The following CADPS variants were observed in gnomAD, a reference collection of about 807,000 sequenced individuals.
The protein encoded by CADPS is calcium-dependent secretion activator 1.
A neutral mutation model predicts 167.3 loss-of-function variants in CADPS; 57 were observed. The ratio of observed to expected loss-of-function variants is 0.34; its 90% CI spans 0.28 to 0.42. CADPS has a LOEUF of 0.42. CADPS is among the 20% of genes least tolerant of loss of function. The pLI is 1.00. For missense variants in CADPS, 1,414 were observed against 1,738.1 expected (o/e 0.81, Z 3.32); for synonymous variants, 676 against 635.3 (o/e 1.06, Z -0.96).
intron 1 of CADPS, among the ~76,000 whole-genome samples, chr3:62,821,008 C>T (rs909299363): frequency 3.3e-5 from 5 of 151,948 alleles, no homozygotes; most frequent in South Asian, 2.1e-4. Flanking sequence ...ACCATGTTGG[C>T]CAGGCTAATC....
At chr3:62,821,253 T>C (rs2094901630) in intron 1 of CADPS, among the ~76,000 whole-genome samples, 1 of 152,204 alleles carries the variant, frequency 6.6e-6, no homozygotes, top group Non-Finnish European at 1.5e-5. Flanking sequence ...TACTCATAGT[T>C]CTGTAGGTCA....
intron 3 of CADPS, among the ~76,000 whole-genome samples, chr3:62,728,700 T>C (rs2077194230): frequency 6.6e-6 from 1 of 151,950 alleles, no homozygotes; most frequent in Non-Finnish European, 1.5e-5. Context: ...TGACTGCTTG[T>C]GTTTAATATT....
At chr3:62,513,590 A>C in intron 16 of CADPS, 1 of 1,230,618 alleles carries the variant, frequency 8.1e-7, no homozygotes, top group Non-Finnish European at 1.2e-6. Flanking sequence ...GAAATAATGA[A>C]AACAGAAAGA....
At chr3:62,764,680 G>T (rs899392697) in intron 2 of CADPS, among the ~76,000 whole-genome samples, 4 of 152,144 alleles carry the variant, frequency 2.6e-5, no homozygotes, top group Non-Finnish European at 4.4e-5. Flanking sequence ...TGCCTCTACC[G>T]AGGCTTCAAT....
In CADPS at chr3:62,759,616, G is replaced by T. The variant is rs1161855131; in HGVS notation, c.556-5843C>A. Among the ~76,000 whole-genome samples, 9 of 151,982 alleles carry T rather than the reference G, an allele frequency of 5.9e-5. No homozygotes were observed. In the East Asian group the frequency reaches 1.2e-3, roughly 20 times the overall value. On this transcript the variant is annotated intron_variant, in intron 2 of 29. Coordinates refer to ENST00000383710, the MANE Select transcript of CADPS (RefSeq NM_003716.4). The stretch of plus-strand genomic sequence containing the variant: ...ACAACTGTGTTAAATAAAAGAAGTG[G>T]GTCCTTAATAGTTTGTGGTAATTTC...
chr3:62,873,539 C>A (rs913390335), intron 1 of CADPS, among the ~76,000 whole-genome samples: 1 of 151,976 alleles, frequency 6.6e-6, no homozygotes, highest in Admixed American at 6.6e-5. Flanking sequence ...TCTGTCCCCA[C>A]CCCCCGCCAC....
intron 3 of CADPS, among the ~76,000 whole-genome samples, chr3:62,669,436 A>C (rs989009093): frequency 1.3e-5 from 2 of 152,172 alleles, no homozygotes; most frequent in Non-Finnish European, 2.9e-5. Flanking sequence ...GGGGTGCCCA[A>C]GCTCCTGCCA....
At chr3:62,837,620 A>G (rs946553938) in intron 1 of CADPS, among the ~76,000 whole-genome samples, 2 of 152,166 alleles carry the variant, frequency 1.3e-5, no homozygotes, top group African/African-American at 4.8e-5. Context: ...CATGTTTCAC[A>G]ATGAATTATC....
rs542313946 is a variant in CADPS at position 62,594,674 on chromosome 3, G to A, written c.1326-1926C>T. ...CAGTCTCCTGAGTAGCTAGGAGTTA[G>A]ATATTAATTTTTGATTTCATCTCTG... On this transcript the variant is annotated intron_variant, in intron 6 of 29. Coordinates refer to ENST00000383710, the MANE Select transcript of CADPS (RefSeq NM_003716.4). Among the ~76,000 whole-genome samples, 10 of 152,266 alleles carry A rather than the reference G, an allele frequency of 6.6e-5. No individual in the cohort carries two copies. The South Asian group carries it at 1.9e-3, about 28-fold the overall frequency.
At chr3:62,791,298 A>T (rs2092924913) in intron 1 of CADPS, among the ~76,000 whole-genome samples, 1 of 152,210 alleles carries the variant, frequency 6.6e-6, no homozygotes, top group Non-Finnish European at 1.5e-5. Flanking sequence ...TTGCAATATG[A>T]CTAGTGTGAA....
chr3:62,716,540 G>C (rs1227098298), intron 3 of CADPS, among the ~76,000 whole-genome samples: 1 of 152,170 alleles, frequency 6.6e-6, no homozygotes. Context: ...ACAGATCAAA[G>C]CACTTTGCCC....
intron 1 of CADPS, among the ~76,000 whole-genome samples, chr3:62,837,714 C>T (rs2153024277): frequency 6.6e-6 from 1 of 152,248 alleles, no homozygotes; most frequent in Non-Finnish European, 1.5e-5. Context: ...TATCATAGAG[C>T]AAAGAGTATG....
At chr3:62,849,231 A>G (rs890221438) in intron 1 of CADPS, among the ~76,000 whole-genome samples, 4 of 149,166 alleles carry the variant, frequency 2.7e-5, no homozygotes, top group Non-Finnish European at 6.0e-5. Context: ...AACAGAGACA[A>G]TTTGACTTCC....
chr3:62,812,571 A>C (rs1431700371), intron 1 of CADPS, among the ~76,000 whole-genome samples: 1 of 152,222 alleles, frequency 6.6e-6, no homozygotes, highest in Non-Finnish European at 1.5e-5. Context: ...ATTTCATTTT[A>C]AAGGCAGCAA....
intron 3 of CADPS, among the ~76,000 whole-genome samples, chr3:62,725,737 G>T (rs549228094): frequency 6.6e-6 from 1 of 151,890 alleles, no homozygotes; most frequent in Non-Finnish European, 1.5e-5. Context: ...AACCGCTGAA[G>T]AAAAATATGT....
chr3:62,870,626 C>G (rs992309806), intron 1 of CADPS, among the ~76,000 whole-genome samples: 5 of 152,110 alleles, frequency 3.3e-5, no homozygotes, highest in Admixed American at 3.3e-4. Flanking sequence ...GTGTAATAGA[C>G]AGTTTTAAGG....
chr3:62,690,281 T>C lies in CADPS; in HGVS notation c.889-27887A>G, dbSNP rs73844506. Among the ~76,000 whole-genome samples the C allele has an allele frequency of 3.5e-3, 535 of 152,158 alleles. 5 individuals are homozygous for C. Among genetic ancestry groups the C allele is most frequent in the African/African-American group, 0.012 (500 of 41,508 alleles). On this transcript the variant is annotated intron_variant, in intron 3 of 29. Coordinates refer to ENST00000383710, the MANE Select transcript of CADPS (RefSeq NM_003716.4). ...GAGGGAGAACAAAAGTTGTGACTTATTGTCAAGTTTTTCTTATGACAGAGT... is the reference window on the plus strand; with the variant it reads ...GAGGGAGAACAAAAGTTGTGACTTACTGTCAAGTTTTTCTTATGACAGAGT...
At chr3:62,599,748 C>CTA (rs2059543351) in intron 6 of CADPS, among the ~76,000 whole-genome samples, 1 of 17,372 alleles carries the variant, frequency 5.8e-5, no homozygotes, top group Non-Finnish European at 9.9e-5. Context: ...TATATATAAT[C>CTA]TATTATATAT....
At chr3:62,643,520 A>G (rs539842913) in intron 6 of CADPS, among the ~76,000 whole-genome samples, 2 of 152,364 alleles carry the variant, frequency 1.3e-5, no homozygotes, top group South Asian at 4.1e-4. Flanking sequence ...GTATGTGTAT[A>G]AAACATGAAT....
Sources: gnomAD v4.1 joint callset for allele counts (sites outside exome capture counted in the v4.1 genomes callset) on GRCh38, gnomAD v4.1.1 for gene constraint, MANE v1.5 for transcripts, NCBI Gene and HGNC (gene_info 2026-07-23, HGNC 2026-07-21) for gene names.